The following PRRT3 variants were observed in gnomAD, a reference collection of about 807,000 sequenced individuals.
PRRT3 encodes proline rich transmembrane protein 3.
A neutral mutation model predicts 56.6 loss-of-function variants in PRRT3; 48 were observed. That is an observed-to-expected ratio of 0.85 (90% confidence interval 0.67 to 1.08). The LOEUF is 1.08. Ranked by LOEUF, PRRT3 falls within the 50% of genes least tolerant of loss-of-function variation. The pLI is 0.00. For missense variants in PRRT3, 1,370 were observed against 1,353.1 expected, an observed-to-expected ratio of 1.01 and a Z score of -0.20; for synonymous variants, 641 against 619.1, an observed-to-expected ratio of 1.04 and a Z score of -0.52.
Position 9,946,348 on chromosome 3 carries a change from G to T in PRRT3, c.2825C>A (p.Pro942His). The part of the protein sequence containing the change: ...DELPSTVQLL[P>H]APTPAPDSTA... ...AGAATCAGGGGCTGGGGTCGGGGCA[G>T]GCAGTAGCTGTACCGTGCTGGGCAA... Residue 942 changes from proline to histidine, a missense_variant, in exon 4 of 4, where the codon CCT (proline) becomes CAT (histidine). Pro to His is a moderately conservative substitution (Grantham distance 77). Transcript: ENST00000412055. The surrounding 1 kb of genome is among the most constrained non-coding windows in gnomAD (Gnocchi z 4.1). 6.2e-7 allele frequency: 1 copy of T among 1,611,962 alleles called. No homozygotes were observed. Among genetic ancestry groups the T allele is most frequent in the East Asian group, 2.2e-5 (1 of 44,822 alleles).
Position 9,948,933 on chromosome 3 carries a change from A to G in PRRT3, c.1016-20T>C. On this transcript the variant is annotated intron_variant, in intron 2 of 3. Coordinates refer to ENST00000412055, the MANE Select transcript of PRRT3 (RefSeq NM_207351.5). ...CTCTCTCTGAAATGACAAAGCAGTC[A>G]TCACCTTACCTGACCCTCCTATGGT... 1 of 1,552,618 alleles carries G rather than the reference A, an allele frequency of 6.4e-7. No individual in the cohort carries two copies.
Position 9,949,528 on chromosome 3 carries a change from G to T in PRRT3, c.588C>A (p.Val196=). 6.2e-7 allele frequency: 1 copy of T among 1,614,062 alleles called. No individual in the cohort carries two copies. ...EGLKAKTKSR[V]PPTSPSDHQG... is the part of the protein sequence containing the mutation. The stretch of plus-strand genomic sequence containing the variant: ...GGTGGTCTGAGGGAGAAGTGGGTGG[G>T]ACCCTGCTCTTAGTTTTGGCCTTCA... Residue 196 remains valine (V), a synonymous_variant, in exon 2 of 4, where the codon GTC becomes GTA. Transcript: ENST00000412055. This position sits in a 1 kb window ranked among gnomAD's most constrained non-coding sequence, Gnocchi z 4.5.
Position 9,946,216 on chromosome 3 carries a change from A to T in PRRT3, c.*11T>A, listed in dbSNP as rs1229024770. The T allele has an allele frequency of 6.2e-7, 1 of 1,609,722 alleles. No homozygotes were observed. Among genetic ancestry groups the T allele is most frequent in the Non-Finnish European group, 8.5e-7 (1 of 1,178,666 alleles). ...TCGGGCAGGGTCCTGGCCCTGCGTCAGGACCGCTCTTCAAAGCTCGATGGT... is the reference window on the plus strand; with the variant it reads ...TCGGGCAGGGTCCTGGCCCTGCGTCTGGACCGCTCTTCAAAGCTCGATGGT... On this transcript the variant is annotated 3_prime_UTR_variant, in exon 4 of 4. Transcript: ENST00000412055. This position sits in a 1 kb window ranked among gnomAD's most constrained non-coding sequence, Gnocchi z 4.1.
rs1452654357 is a variant in PRRT3 at position 9,949,282 on chromosome 3, A to T, written c.834T>A (p.Leu278=). The change falls in exon 2 of 4, where the codon CTT becomes CTA. Residue 278 remains leucine (L), a synonymous_variant. Coordinates refer to ENST00000412055, the MANE Select transcript of PRRT3 (RefSeq NM_207351.5). This position sits in a 1 kb window ranked among gnomAD's most constrained non-coding sequence, Gnocchi z 4.5. ...AQPDLALARS[L]PPAEELPVET... ...CAACCGGCAGCTCCTCAGCAGGAGG[A>T]AGGCTTCTGGCCAATGCCAAGTCTG... 4 of 1,608,560 alleles carry T rather than the reference A, an allele frequency of 2.5e-6. No homozygotes were observed. Among genetic ancestry groups the T allele is most frequent in the African/African-American group, 1.3e-5 (1 of 74,792 alleles).
At position 9,949,253 on chromosome 3, in the gene PRRT3, G is replaced by T; in HGVS notation, c.863C>A (p.Thr288Asn). The T allele has an allele frequency of 6.2e-7, 1 of 1,602,612 alleles. No homozygotes were observed. Among genetic ancestry groups the T allele is most frequent in the Admixed American group, 1.7e-5 (1 of 59,026 alleles). The change falls in exon 2 of 4, where the codon ACC becomes AAC. Residue 288 changes from threonine to asparagine, a missense_variant. Physicochemically the swap from Thr to Asn is moderately conservative, Grantham distance 65 (BLOSUM62 0). Transcript: ENST00000412055. The surrounding 1 kb of genome is among the most constrained non-coding windows in gnomAD (Gnocchi z 4.5). ...CACCTCAGCGCCAGCCCTCTTGGGG[G>T]TCTCAACCGGCAGCTCCTCAGCAGG... Reference protein sequence around the residue: ...LPPAEELPVETPKRAGAEVSW... With the variant: ...LPPAEELPVENPKRAGAEVSW...
At chr3:9,950,564 G>A (rs1411950477) in intron 1 of PRRT3, among the ~76,000 whole-genome samples, 1 of 150,750 alleles carries the variant, frequency 6.6e-6, no homozygotes, top group Non-Finnish European at 1.5e-5. Context: ...GTGCAGTGGC[G>A]TGATCTCGGC....
At position 9,948,878 on chromosome 3, in the gene PRRT3, G is replaced by A. The variant is rs2085572873; in HGVS notation, c.1051C>T (p.Pro351Ser). Residue 351 changes from proline to serine, a missense_variant, in exon 3 of 4, where the codon CCC becomes TCC. Transcript: ENST00000412055. ...AAMNGADPIS[P>S]QRVRGAVEAP... ...TCCACAGCTCCTCTCACCCGCTGGG[G>A]GGAGATGGGGTCTGCTCCATTCATT... 3 of 1,604,636 alleles carry A rather than the reference G, an allele frequency of 1.9e-6. No individual in the cohort carries two copies. The highest frequency in any genetic ancestry group is 2.7e-5 in the African/African-American group (2 of 74,560).
At position 9,946,469 on chromosome 3, in the gene PRRT3, T is replaced by C. The variant is rs1329492229; in HGVS notation, c.2704A>G (p.Ser902Gly). ...PDGAAAAASG[S>G]SLDSFSRGSL... Reference sequence around the variant, plus strand: ...CCCCTGGAGAAGCTGTCGAGGGAGCTGCCAGAAGCCGCAGCGGCTGCCCCG... The same window carrying C: ...CCCCTGGAGAAGCTGTCGAGGGAGCCGCCAGAAGCCGCAGCGGCTGCCCCG... Residue 902 changes from serine (S) to glycine (G), a missense_variant, in exon 4 of 4, where the codon AGC becomes GGC. By Grantham distance (56) the Ser-to-Gly change is moderately conservative. Coordinates refer to ENST00000412055, the MANE Select transcript of PRRT3 (RefSeq NM_207351.5). The surrounding 1 kb of genome is among the most constrained non-coding windows in gnomAD (Gnocchi z 4.1). 1.3e-6 allele frequency: 2 copies of C among 1,564,522 alleles called. No homozygotes were observed. The highest frequency in any genetic ancestry group is 3.8e-5 in the Admixed American group (2 of 52,406).
chr3:9,946,130 C>G lies in PRRT3; in HGVS notation c.*97G>C. 6.8e-7 allele frequency: 1 copy of G among 1,468,438 alleles called. No individual in the cohort carries two copies. Among genetic ancestry groups the G allele is most frequent in the Non-Finnish European group, 9.0e-7 (1 of 1,108,404 alleles). The allele number at this position is 1,468,438 out of a possible 1,614,324, so 91.0% of individuals were successfully genotyped here. ...GGATTCCTGGCGTGAGCCACCGCGC[C>G]TGGCCAGGATGCCCATTTTTTAAAG... is the stretch of plus-strand genomic sequence containing the variant. On this transcript the variant is annotated 3_prime_UTR_variant, in exon 4 of 4. Transcript: ENST00000412055. The surrounding 1 kb of genome is among the most constrained non-coding windows in gnomAD (Gnocchi z 4.1).
In PRRT3 at chr3:9,946,509, T is replaced by C. The variant is rs775227866; in HGVS notation, c.2664A>G (p.Val888=). The C allele has an allele frequency of 1.6e-5, 24 of 1,529,696 alleles. No homozygotes were observed. Among genetic ancestry groups the C allele is most frequent in the South Asian group, 1.2e-5 (1 of 81,974 alleles). The allele number at this position is 1,529,696 out of a possible 1,614,324, so 94.8% of individuals were successfully genotyped here. ...VRVRGPVPQH[V]VEAPDGAAAA... is the part of the protein sequence containing the mutation. ...CGGCTGCCCCGTCGGGTGCTTCCAC[T>C]ACGTGCTGTGGGACCGGCCCGCGCA... The change falls in exon 4 of 4, where the codon GTA becomes GTG. Residue 888 remains valine (V), a synonymous_variant. Coordinates refer to ENST00000412055, the MANE Select transcript of PRRT3 (RefSeq NM_207351.5). This position sits in a 1 kb window ranked among gnomAD's most constrained non-coding sequence, Gnocchi z 4.1.
At chr3:9,948,959 C>T (rs951536910) in intron 2 of PRRT3, 46 bp from the exon 3 acceptor site, 5 of 1,526,702 alleles carry the variant, frequency 3.3e-6, no homozygotes, top group Admixed American at 2.1e-5. Context: ...CTCCTATGGT[C>T]CTCCTAATCC....
rs771665818 is a variant in PRRT3 at position 9,946,655 on chromosome 3, C to T, written c.2518G>A (p.Ala840Thr). Residue 840 changes from alanine (A) to threonine (T), a missense_variant, in exon 4 of 4, where the codon GCC becomes ACC. By Grantham distance (58) the Ala-to-Thr change is moderately conservative. Coordinates refer to ENST00000412055, the MANE Select transcript of PRRT3 (RefSeq NM_207351.5). This position sits in a 1 kb window ranked among gnomAD's most constrained non-coding sequence, Gnocchi z 4.1. ...AGAGCGCCTCCAGGCGGCGGGGAGG[C>T]CAGGCCGCGGAGGCCGCAGCGCTGG... ...VFQRCGLRGL[A>T]SPPPGGALRP... The T allele has an allele frequency of 6.9e-5, 97 of 1,400,228 alleles. No individual in the cohort carries two copies. The highest frequency in any genetic ancestry group is 7.4e-5 in the Non-Finnish European group (80 of 1,087,274). 86.7% of individuals were successfully genotyped at this position (1,400,228 alleles called of 1,614,324 possible). A position where few individuals can be genotyped will look rare whatever the true frequency, so the allele number is the denominator to read the frequency against.
Position 9,950,108 on chromosome 3 carries a change from G to C in PRRT3, c.8C>G (p.Ser3Cys), listed in dbSNP as rs770170042. ...GCCACATACACAGCCCCATGGGCTG[G>C]AGGCCATGGTCTACTCCGATGCCTG... is the stretch of plus-strand genomic sequence containing the variant. MA[S>C]SPWGCVCGLL... The change falls in exon 2 of 4, where the codon TCC becomes TGC. Residue 3 changes from serine (S) to cysteine (C), a missense_variant. Coordinates refer to ENST00000412055, the MANE Select transcript of PRRT3 (RefSeq NM_207351.5). The C allele has an allele frequency of 6.8e-7, 1 of 1,480,674 alleles. No homozygotes were observed. Among genetic ancestry groups the C allele is most frequent in the Non-Finnish European group, 9.0e-7 (1 of 1,116,308 alleles). 91.7% of individuals were successfully genotyped at this position (1,480,674 alleles called of 1,614,324 possible).
chr3:9,947,258 G>C lies in PRRT3; in HGVS notation c.1915C>G (p.Leu639Val). ...RGWDASPGPR[L>V]LAVAGALGLL... ...CCCAGCGCGCCCGCCACAGCCAACA[G>C]CCGAGGGCCCGGGCTGGCATCCCAG... Residue 639 changes from leucine to valine, a missense_variant, in exon 4 of 4, where the codon CTG becomes GTG. By Grantham distance (32) the Leu-to-Val change is conservative. Coordinates refer to ENST00000412055, the MANE Select transcript of PRRT3 (RefSeq NM_207351.5). The surrounding 1 kb of genome is among the most constrained non-coding windows in gnomAD (Gnocchi z 9.2). 2.6e-6 allele frequency: 4 copies of C among 1,509,904 alleles called. No individual in the cohort carries two copies. The highest frequency in any genetic ancestry group is 3.5e-6 in the Non-Finnish European group (4 of 1,136,904). 93.5% of individuals were successfully genotyped at this position (1,509,904 alleles called of 1,614,324 possible). A position where few individuals can be genotyped will look rare whatever the true frequency, so the allele number is the denominator to read the frequency against.
chr3:9,949,485 G>C lies in PRRT3; in HGVS notation c.631C>G (p.Leu211Val). Residue 211 changes from leucine (L) to valine (V), a missense_variant, in exon 2 of 4, where the codon CTT (leucine) becomes GTT (valine). Leu to Val is a conservative substitution (Grantham distance 32). Transcript: ENST00000412055. The surrounding 1 kb of genome is among the most constrained non-coding windows in gnomAD (Gnocchi z 4.5). Reference protein sequence around the residue: ...PSDHQGPPHTLVSHSGTVKRP... With the variant: ...PSDHQGPPHTVVSHSGTVKRP... ...TTGACAGTACCTGAGTGGGAAACAAGGGTGTGGGGTGGGCCCTGGTGGTCT... is the reference window on the plus strand; with the variant it reads ...TTGACAGTACCTGAGTGGGAAACAACGGTGTGGGGTGGGCCCTGGTGGTCT... The C allele has an allele frequency of 6.2e-7, 1 of 1,614,116 alleles. No homozygotes were observed. The highest frequency in any genetic ancestry group is 2.2e-5 in the East Asian group (1 of 44,884).
intron 1 of PRRT3, among the ~76,000 whole-genome samples, chr3:9,951,039 T>A (rs2085613231): frequency 6.6e-6 from 1 of 152,256 alleles, no homozygotes; most frequent in Admixed American, 6.5e-5. Context: ...TCATACCTGA[T>A]GCTTGACAAG....
Position 9,948,016 on chromosome 3 carries a change from A to C in PRRT3, c.1172-15T>G. ...CTCGGCTTCATCTGCAATTATAACA[A>C]TATTAAAATAGCCATTTGAAAAGTG... On this transcript the variant is annotated splice_polypyrimidine_tract_variant and intron_variant, in intron 3 of 3. Transcript: ENST00000412055. 7.6e-7 allele frequency: 1 copy of C among 1,308,262 alleles called. No individual in the cohort carries two copies. The highest frequency in any genetic ancestry group is 9.7e-7 in the Non-Finnish European group (1 of 1,030,864). 81.0% of individuals were successfully genotyped at this position (1,308,262 alleles called of 1,614,324 possible).
chr3:9,947,030 G>C lies in PRRT3; in HGVS notation c.2143C>G (p.Leu715Val). ...PPTEHACWAK[L>V]MRLACPAPSG... ...GGCGCCGGGCACGCCAGACGCATCAGCTTAGCCCAGCAAGCGTGCTCCGTG... is the reference window on the plus strand; with the variant it reads ...GGCGCCGGGCACGCCAGACGCATCACCTTAGCCCAGCAAGCGTGCTCCGTG... The change falls in exon 4 of 4, where the codon CTG (leucine) becomes GTG (valine). Residue 715 changes from leucine (L) to valine (V), a missense_variant. Leu to Val is a conservative substitution (Grantham distance 32). Transcript: ENST00000412055. This position sits in a 1 kb window ranked among gnomAD's most constrained non-coding sequence, Gnocchi z 9.2. 6.5e-7 allele frequency: 1 copy of C among 1,538,478 alleles called. No individual in the cohort carries two copies. The highest frequency in any genetic ancestry group is 8.7e-7 in the Non-Finnish European group (1 of 1,146,950).
In PRRT3 at chr3:9,947,284, C is replaced by A. The variant is rs1385134956; in HGVS notation, c.1889G>T (p.Gly630Val). 4 of 1,549,498 alleles carry A rather than the reference C, an allele frequency of 2.6e-6. No individual in the cohort carries two copies. Among genetic ancestry groups the A allele is most frequent in the Non-Finnish European group, 2.6e-6 (3 of 1,153,638 alleles). Residue 630 changes from glycine to valine, a missense_variant, in exon 4 of 4, where the codon GGC becomes GTC. By Grantham distance (109) the Gly-to-Val change is moderately radical (BLOSUM62 -3). Coordinates refer to ENST00000412055, the MANE Select transcript of PRRT3 (RefSeq NM_207351.5). This position sits in a 1 kb window ranked among gnomAD's most constrained non-coding sequence, Gnocchi z 9.2. ...CCGAGGGCCCGGGCTGGCATCCCAG[C>A]CCCGTGGGCCGTCCAGCAGGCGGCG... Reference protein sequence around the residue: ...CRRRLLDGPRGWDASPGPRLL... With the variant: ...CRRRLLDGPRVWDASPGPRLL...
Sources: gnomAD v4.1 joint callset for allele counts (sites outside exome capture counted in the v4.1 genomes callset) on GRCh38, gnomAD v4.1.1 for gene constraint, Gnocchi (gnomAD v3.1) non-coding constraint, MANE v1.5 for transcripts, NCBI Gene and HGNC (gene_info 2026-07-23, HGNC 2026-07-21) for gene names.